Variants in MTMR9 observed in about 807,000 individuals in gnomAD.
The protein encoded by MTMR9 is myotubularin related protein 9.
A neutral mutation model predicts 69.5 loss-of-function variants in MTMR9; 39 were observed. The ratio of observed to expected loss-of-function variants is 0.56; its 90% CI spans 0.43 to 0.73. The LOEUF (loss-of-function observed/expected upper bound fraction) is 0.73, where lower values mean the gene tolerates loss of function less well. Ranked by LOEUF, MTMR9 falls within the 30% of genes least tolerant of loss-of-function variation. The probability of loss-of-function intolerance (pLI) is 0.00; values close to 1 mark genes in which losing one functional copy is unlikely to be tolerated. For synonymous variants in MTMR9, 354 were observed against 240.8 expected, an observed-to-expected ratio of 1.47 and a Z score of -4.35; for missense variants, 900 against 671.2, an observed-to-expected ratio of 1.34 and a Z score of -3.77.
In MTMR9 at chr8:11,326,659, A is replaced by T. The variant is rs113283037; in HGVS notation, c.*3871A>T. 2 of 152,162 alleles carry T rather than the reference A, an allele frequency of 1.3e-5. No individual in the cohort carries two copies. Among genetic ancestry groups the T allele is most frequent in the African/African-American group, 4.8e-5 (2 of 41,434 alleles). The allele number at this position is 152,162 out of a possible 1,614,324, so 9.4% of individuals were successfully genotyped here. A position where few individuals can be genotyped will look rare whatever the true frequency, so the allele number is the denominator to read the frequency against. On this transcript the variant is annotated 3_prime_UTR_variant, in exon 10 of 10. Coordinates refer to ENST00000221086, the MANE Select transcript of MTMR9 (RefSeq NM_015458.4). ...TAAGTTATTACCACATAGTATTTTT[A>T]TGTTACCCATCATCTTTAAAAACAT...
chr8:11,321,757 A>C (rs776664336), intron 9 of MTMR9, among the ~76,000 whole-genome samples: 2 of 152,178 alleles, frequency 1.3e-5, no homozygotes, highest in Non-Finnish European at 2.9e-5. Context: ...AAAAATCAAC[A>C]TGGGTGGGTC....
At position 11,322,639 on chromosome 8, in the gene MTMR9, T is replaced by C. The variant is rs1800747934; in HGVS notation, c.1501T>C (p.Trp501Arg). The change falls in exon 10 of 10, where the codon TGG becomes CGG. Residue 501 changes from tryptophan (W) to arginine (R), a missense_variant. By Grantham distance (101) the Trp-to-Arg change is moderately radical. Coordinates refer to ENST00000221086, the MANE Select transcript of MTMR9 (RefSeq NM_015458.4). ...GGATTCAATAGGTATTTTCCTACGT[T>C]GGAATAGATCCTCTAAGTATTTGGA... ...LPLWEGIFLR[W>R]NRSSKYLDEA... 2 of 1,613,698 alleles carry C rather than the reference T, an allele frequency of 1.2e-6. No homozygotes were observed. Among genetic ancestry groups the C allele is most frequent in the East Asian group, 4.5e-5 (2 of 44,866 alleles).
chr8:11,312,692 C>G (rs982364524), intron 6 of MTMR9, among the ~76,000 whole-genome samples: 1 of 152,210 alleles, frequency 6.6e-6, no homozygotes, highest in Non-Finnish European at 1.5e-5. Context: ...TTAATGGCAT[C>G]TAGAAAGGTG....
intron 9 of MTMR9, chr8:11,321,450 G>A (rs948250660): frequency 6.6e-6 from 3 of 456,392 alleles, no homozygotes; most frequent in East Asian, 6.9e-5. Context: ...CCCACATTGG[G>A]AGCTGGGTGG....
intron 2 of MTMR9, among the ~76,000 whole-genome samples, chr8:11,297,091 C>A (rs907472054): frequency 6.6e-6 from 1 of 152,120 alleles, no homozygotes; most frequent in Non-Finnish European, 1.5e-5. Flanking sequence ...TTCTAGACTA[C>A]TATAGGAACG....
At chr8:11,289,108 G>T (rs1799290195) in intron 1 of MTMR9, among the ~76,000 whole-genome samples, 1 of 152,222 alleles carries the variant, frequency 6.6e-6, no homozygotes, top group African/African-American at 2.4e-5. Context: ...GGAGGCCGAG[G>T]TTGCAGTAAA....
At chr8:11,296,519 G>T (rs1445645142) in intron 2 of MTMR9, among the ~76,000 whole-genome samples, 4 of 152,138 alleles carry the variant, frequency 2.6e-5, no homozygotes, top group Non-Finnish European at 5.9e-5. Context: ...TCGAAACTCT[G>T]TGTTAAACAA....
downstream of MTMR9, chr8:11,332,173 C>G (rs1403394119): frequency 1.3e-6 from 2 of 1,581,722 alleles, no homozygotes; most frequent in Non-Finnish European, 1.7e-6. Flanking sequence ...TAAATAAAGA[C>G]AAAGACTGAA....
the MTMR9 span, among the ~76,000 whole-genome samples, chr8:11,339,367 C>T: frequency 1.3e-5 from 2 of 152,196 alleles, no homozygotes; most frequent in East Asian, 3.8e-4. Flanking sequence ...CATGATATGG[C>T]CCCCGGCCTT....
At position 11,325,759 on chromosome 8, in the gene MTMR9, T is replaced by A. The variant is rs986170816; in HGVS notation, c.*2971T>A. 1 of 152,046 alleles carries A rather than the reference T, an allele frequency of 6.6e-6. No individual in the cohort carries two copies. Among genetic ancestry groups the A allele is most frequent in the Non-Finnish European group, 1.5e-5 (1 of 68,030 alleles). The allele number at this position is 152,046 out of a possible 1,614,324, so 9.4% of individuals were successfully genotyped here. On this transcript the variant is annotated 3_prime_UTR_variant, in exon 10 of 10. Transcript: ENST00000221086. Reference sequence around the variant, plus strand: ...GACCTTTCAATAAATATTTATTTGGTCAAAATTTTTTATTTTGATTTTATT... The same window carrying A: ...GACCTTTCAATAAATATTTATTTGGACAAAATTTTTTATTTTGATTTTATT...
intron 9 of MTMR9, 103 bp downstream of exon 9, chr8:11,319,941 G>A: frequency 8.5e-7 from 1 of 1,173,876 alleles, no homozygotes; most frequent in Non-Finnish European, 1.2e-6. Flanking sequence ...AGCTGGACGT[G>A]GCCCTCAGAC....
chr8:11,328,456 C>G (rs990362914), downstream of MTMR9, among the ~76,000 whole-genome samples: 6 of 151,468 alleles, frequency 4.0e-5, no homozygotes, highest in African/African-American at 1.2e-4. Flanking sequence ...CAGGAATCTC[C>G]CAAGAATTAG....
intron 1 of MTMR9, among the ~76,000 whole-genome samples, chr8:11,286,059 T>A (rs1799144601): frequency 6.6e-6 from 1 of 151,226 alleles, no homozygotes; most frequent in Admixed American, 6.6e-5. Context: ...TTCTAGCGAT[T>A]CTTCTGTCTC....
At chr8:11,331,004 C>A (rs1208508553), downstream of MTMR9, 33 of 1,492,356 alleles carry the variant, frequency 2.2e-5, no homozygotes, top group Non-Finnish European at 2.8e-5. Flanking sequence ...CAGGAGAGTT[C>A]CAGGGAAGAA....
At chr8:11,330,100 G>C (rs934289929), downstream of MTMR9, among the ~76,000 whole-genome samples, 1 of 151,810 alleles carries the variant, frequency 6.6e-6, no homozygotes, top group Admixed American at 6.6e-5. Flanking sequence ...ATCCGGGAGG[G>C]AGGTGGGAGG....
At chr8:11,338,150 G>A in the MTMR9 span, among the ~76,000 whole-genome samples, 9 of 152,218 alleles carry the variant, frequency 5.9e-5, no homozygotes, top group Non-Finnish European at 1.2e-4. Context: ...AAGGACATCT[G>A]GAGCTGATGC....
chr8:11,294,589 C>T (rs1274958892), intron 1 of MTMR9, among the ~76,000 whole-genome samples: 2 of 146,428 alleles, frequency 1.4e-5, no homozygotes, highest in African/African-American at 5.3e-5. Context: ...GCAACCTCTG[C>T]CTCCCGGGTT....
downstream of MTMR9, among the ~76,000 whole-genome samples, chr8:11,328,671 G>A (rs957815325): frequency 6.6e-6 from 1 of 152,086 alleles, no homozygotes; most frequent in African/African-American, 2.4e-5. Flanking sequence ...AAAACTAGCA[G>A]GTGAAAATTT....
At chr8:11,287,716 A>C (rs1423149560) in intron 1 of MTMR9, among the ~76,000 whole-genome samples, 1 of 135,964 alleles carries the variant, frequency 7.4e-6, no homozygotes, top group Non-Finnish European at 1.5e-5. Context: ...TATATATTAT[A>C]ATATATATTA....
Sources: gnomAD v4.1 joint callset for allele counts (sites outside exome capture counted in the v4.1 genomes callset) on GRCh38, gnomAD v4.1.1 for gene constraint, MANE v1.5 for transcripts, NCBI Gene and HGNC (gene_info 2026-07-23, HGNC 2026-07-21) for gene names.